Variants in PTER observed in about 807,000 individuals in gnomAD.
PTER encodes phosphotriesterase related.
In PTER, 38 loss-of-function variants were observed where a neutral mutation model predicts 29.6. That is an observed-to-expected ratio of 1.28 (90% confidence interval 0.99 to 1.68). The LOEUF (loss-of-function observed/expected upper bound fraction) is 1.68. Among genes scored for constraint, PTER ranks in the 40% most tolerant of loss-of-function variants. The pLI, the probability that PTER is intolerant of heterozygous loss-of-function variation, is 0.00. For missense variants in PTER, 482 were observed against 427.8 expected (o/e 1.13, Z -1.12); for synonymous variants, 172 against 154.5 (o/e 1.11, Z -0.84).
chr10:16,468,242 C>T lies in PTER; in HGVS notation c.-48-16095C>T, dbSNP rs112514237. On this transcript the variant is annotated intron_variant, in intron 1 of 4. Coordinates refer to ENST00000535784, the MANE Select transcript of PTER (RefSeq NM_001261836.2). ...CTGTAATCCTAGCTACTCGGAAGGC[C>T]GAGGCAGGAGAATCACTTGAACCAG... is the stretch of plus-strand genomic sequence containing the variant. Among the ~76,000 whole-genome samples, 514 of 152,040 alleles carry T rather than the reference C, an allele frequency of 3.4e-3. 3 individuals are homozygous for T. Among genetic ancestry groups the T allele is most frequent in the African/African-American group, 0.012 (497 of 41,480 alleles).
chr10:16,497,457 C>T (rs1344911143), intron 3 of PTER, among the ~76,000 whole-genome samples: 3 of 152,208 alleles, frequency 2.0e-5, no homozygotes, highest in Non-Finnish European at 4.4e-5. Context: ...CTTGAGACAG[C>T]ATCTTAAATT....
At chr10:16,518,648 T>C (rs1212812514), downstream of PTER, among the ~76,000 whole-genome samples, 1 of 152,244 alleles carries the variant, frequency 6.6e-6, no homozygotes, top group Non-Finnish European at 1.5e-5. Flanking sequence ...ATCCCTTCTT[T>C]TTTCATGCAA....
chr10:16,476,603 T>C (rs1316535218), intron 1 of PTER, among the ~76,000 whole-genome samples: 1 of 152,062 alleles, frequency 6.6e-6, no homozygotes, highest in Non-Finnish European at 1.5e-5. Context: ...TTTTACTTTG[T>C]TGGCCAGGTT....
At chr10:16,484,844 T>C (rs754110549) in intron 2 of PTER, 28 bp downstream of exon 2, 1 of 1,551,058 alleles carries the variant, frequency 6.4e-7, no homozygotes. Context: ...TTTGACAGTA[T>C]TTGTTCATAA....
chr10:16,511,383 A>T lies in PTER; in HGVS notation c.*127A>T, dbSNP rs941860275. 5.6e-5 allele frequency: 50 copies of T among 887,206 alleles called. No individual in the cohort carries two copies. In the Admixed American group the frequency reaches 6.8e-4, roughly 12 times the overall value. The allele number at this position is 887,206 out of a possible 1,614,324, so 55.0% of individuals were successfully genotyped here. On this transcript the variant is annotated 3_prime_UTR_variant, in exon 5 of 5. Transcript: ENST00000535784. ...GACAGATCATTTCCTTCTGATGAGA[A>T]CTAGGAGGGTTTGCCTTCTCTGAGA...
chr10:16,479,758 C>A (rs771120831), intron 1 of PTER, among the ~76,000 whole-genome samples: 1 of 152,096 alleles, frequency 6.6e-6, no homozygotes, highest in South Asian at 2.1e-4. Context: ...TCATCTCAGA[C>A]AAGACACTAC....
At chr10:16,463,222 A>T (rs894697806) in intron 1 of PTER, among the ~76,000 whole-genome samples, 57 of 150,498 alleles carry the variant, frequency 3.8e-4, no homozygotes, top group Non-Finnish European at 7.1e-4. Context: ...AAAAAAAAAA[A>T]TACTGTTTCT....
intron 1 of PTER, among the ~76,000 whole-genome samples, chr10:16,451,175 G>A (rs948012251): frequency 6.7e-6 from 1 of 148,758 alleles, no homozygotes; most frequent in Non-Finnish European, 1.5e-5. Flanking sequence ...GAAAGATGAA[G>A]TCCAGAAGGC....
At chr10:16,503,351 C>T (rs575727300) in intron 3 of PTER, among the ~76,000 whole-genome samples, 83 of 152,014 alleles carry the variant, frequency 5.5e-4, no homozygotes, top group African/African-American at 1.8e-3. Context: ...CTCAGCCTCC[C>T]GAGTAGCTGG....
At position 16,469,901 on chromosome 10, in the gene PTER, G is replaced by T. The variant is rs74703663; in HGVS notation, c.-48-14436G>T. Among the ~76,000 whole-genome samples, 3 of 147,758 alleles carry T rather than the reference G, an allele frequency of 2.0e-5. No homozygotes were observed. The Admixed American group carries it at 2.0e-4, about 10-fold the overall frequency. On this transcript the variant is annotated intron_variant, in intron 1 of 4. Transcript: ENST00000535784. Reference sequence around the variant, plus strand: ...GGCTGTTTTTTTTGTTTGTTTTTTTGTTTTTTTTTTTAATTTAAATAAGAG... The same window carrying T: ...GGCTGTTTTTTTTGTTTGTTTTTTTTTTTTTTTTTTTAATTTAAATAAGAG...
At chr10:16,446,733 A>G (rs143955055) in intron 1 of PTER, among the ~76,000 whole-genome samples, 42 of 151,382 alleles carry the variant, frequency 2.8e-4, no homozygotes, top group African/African-American at 9.0e-4. Flanking sequence ...TTTCTTTTCT[A>G]TTTTGATAGA....
At position 16,484,775 on chromosome 10, in the gene PTER, G is replaced by A; in HGVS notation, c.391G>A (p.Ala131Thr). ...ATCTGGAGCCGGGTTTTATGTGGAT[G>A]CAACTCACTCCTCAGAGACCAGGGC... Reference protein sequence around the residue: ...IISGAGFYVDATHSSETRAMS... With the variant: ...IISGAGFYVDTTHSSETRAMS... Residue 131 changes from alanine (A) to threonine (T), a missense_variant, in exon 2 of 5, where the codon GCA (alanine) becomes ACA (threonine). Transcript: ENST00000535784. The A allele has an allele frequency of 8.1e-6, 13 of 1,613,112 alleles. No homozygotes were observed. Among genetic ancestry groups the A allele is most frequent in the Non-Finnish European group, 1.1e-5 (13 of 1,179,692 alleles).
At chr10:16,480,869 A>G (rs946627698) in intron 1 of PTER, among the ~76,000 whole-genome samples, 1 of 152,250 alleles carries the variant, frequency 6.6e-6, no homozygotes, top group Admixed American at 6.5e-5. Flanking sequence ...AAGTTGATTT[A>G]TGCATATGGT....
chr10:16,517,350 T>C (rs1836966894), downstream of PTER, among the ~76,000 whole-genome samples: 1 of 152,222 alleles, frequency 6.6e-6, no homozygotes, highest in Admixed American at 6.5e-5. Context: ...ACTCATCCTT[T>C]TAAAAATATT....
rs770190013 is a variant in PTER, at chr10:16,486,574, G to A, written c.655G>A (p.Ala219Thr). 6.8e-6 allele frequency: 11 copies of A among 1,613,892 alleles called. No individual in the cohort carries two copies. The highest frequency in any genetic ancestry group is 1.7e-5 in the Admixed American group (1 of 59,974). The part of the protein sequence containing the change: ...PFQIIRILQE[A>T]GADISKTVMS... Reference sequence around the variant, plus strand: ...TCAGATTATCCGAATATTGCAAGAAGCAGGCGCAGACATCTCCAAAACAGT... The same window carrying A: ...TCAGATTATCCGAATATTGCAAGAAACAGGCGCAGACATCTCCAAAACAGT... The change falls in exon 3 of 5, where the codon GCA becomes ACA. Residue 219 changes from alanine (A) to threonine (T), a missense_variant. By Grantham distance (58) the Ala-to-Thr change is moderately conservative (BLOSUM62 0). Transcript: ENST00000535784.
chr10:16,508,839 C>A (rs1482341856), intron 4 of PTER, among the ~76,000 whole-genome samples: 2 of 152,098 alleles, frequency 1.3e-5, no homozygotes, highest in African/African-American at 2.4e-5. Context: ...TGCTCCAGTA[C>A]CCACTGTCTT....
At chr10:16,493,559 T>C (rs1200354969) in intron 3 of PTER, among the ~76,000 whole-genome samples, 1 of 152,130 alleles carries the variant, frequency 6.6e-6, no homozygotes, top group Non-Finnish European at 1.5e-5. Context: ...CTTGAGCCAC[T>C]GAGCCGGCCA....
At chr10:16,479,499 A>G (rs1468771813) in intron 1 of PTER, among the ~76,000 whole-genome samples, 1 of 151,896 alleles carries the variant, frequency 6.6e-6, no homozygotes, top group Non-Finnish European at 1.5e-5. Context: ...AAAAAAAAGG[A>G]TGCATTTAAA....
chr10:16,518,094 G>C (rs1033411270), downstream of PTER, among the ~76,000 whole-genome samples: 3 of 152,272 alleles, frequency 2.0e-5, no homozygotes, highest in Admixed American at 2.0e-4. Flanking sequence ...GAAAAATTAA[G>C]TCAGCTCAGA....
Sources: allele counts gnomAD v4.1 joint callset (sites outside exome capture counted in the v4.1 genomes callset), GRCh38; gene constraint gnomAD v4.1.1; transcripts MANE v1.5; gene names NCBI Gene and HGNC (gene_info 2026-07-23, HGNC 2026-07-21).